Variants in LONP2 observed in about 807,000 individuals in gnomAD.
LONP2 encodes the protein lon protease homolog 2, peroxisomal.
Under a neutral mutation model 85.6 loss-of-function variants are expected in LONP2, and 60 were observed. The observed-to-expected ratio is 0.70, with a 90% CI of 0.57 to 0.87. LONP2 has a LOEUF of 0.87. Among genes scored for constraint, LONP2 ranks in the 40% least tolerant of loss-of-function variants. LONP2 has a pLI of 0.00. For missense variants in LONP2, 860 were observed against 1,063.5 expected (o/e 0.81, Z 2.66); for synonymous variants, 395 against 389.7 (o/e 1.01, Z -0.16).
rs1597011093 is a variant in LONP2, at chr16:48,355,247, G to C, written c.*3445G>C. ...GTTGAAGCAACCACCAACGTGATAG[G>C]TGAGGCTTTAGGAGGTGATTATGTC... On this transcript the variant is annotated 3_prime_UTR_variant, in exon 15 of 15. Coordinates refer to ENST00000285737, the MANE Select transcript of LONP2 (RefSeq NM_031490.5). 6.6e-6 allele frequency: 1 copy of C among 152,068 alleles called. No individual in the cohort carries two copies. The highest frequency in any genetic ancestry group is 1.5e-5 in the Non-Finnish European group (1 of 68,018). 9.4% of individuals were successfully genotyped at this position (152,068 alleles called of 1,614,324 possible). A position where few individuals can be genotyped will look rare whatever the true frequency, so the allele number is the denominator to read the frequency against.
At position 48,354,873 on chromosome 16, in the gene LONP2, G is replaced by C. The variant is rs1330634159; in HGVS notation, c.*3071G>C. The stretch of plus-strand genomic sequence containing the variant: ...AAGGAACTCCAACTTTTTATTATTT[G>C]CAACAGTTAGCTTTCTTTGTTTCAC... On this transcript the variant is annotated 3_prime_UTR_variant, in exon 15 of 15. Coordinates refer to ENST00000285737, the MANE Select transcript of LONP2 (RefSeq NM_031490.5). 1 of 144,312 alleles carries C rather than the reference G, an allele frequency of 6.9e-6. No homozygotes were observed. The allele number at this position is 144,312 out of a possible 1,614,324, so 8.9% of individuals were successfully genotyped here.
At position 48,277,478 on chromosome 16, in the gene LONP2, A is replaced by T; in HGVS notation, c.1382A>T (p.Glu461Val). The change falls in exon 8 of 15, where the codon GAG becomes GTG. Residue 461 changes from glutamate to valine, a missense_variant and splice_region_variant. This residue lies in a region of LONP2 where 743 missense variants were observed against 917.3 expected (regional missense o/e 0.81). Coordinates refer to ENST00000285737, the MANE Select transcript of LONP2 (RefSeq NM_031490.5). Reference protein sequence around the residue: ...LQGDPAAALLEVLDPEQNHNF... With the variant: ...LQGDPAAALLVVLDPEQNHNF... ...GGTGATCCAGCAGCAGCTCTGCTTGAGGTAAGATTTGGAAAATTCCCTGTC... is the reference window on the plus strand; with the variant it reads ...GGTGATCCAGCAGCAGCTCTGCTTGTGGTAAGATTTGGAAAATTCCCTGTC... 1 of 1,612,880 alleles carries T rather than the reference A, an allele frequency of 6.2e-7. No homozygotes were observed.
chr16:48,293,344 C>T (rs1008276022), intron 8 of LONP2, among the ~76,000 whole-genome samples: 2 of 151,954 alleles, frequency 1.3e-5, no homozygotes, highest in Admixed American at 6.6e-5. Context: ...AGGAGAATGG[C>T]GTGAGCCCGG....
intron 11 of LONP2, among the ~76,000 whole-genome samples, chr16:48,324,110 T>C (rs991664965): frequency 6.6e-5 from 10 of 152,162 alleles, no homozygotes; most frequent in African/African-American, 2.4e-4. Context: ...GATACTTTGC[T>C]TTTCCTTTTC....
chr16:48,300,627 G>T (rs1421120705), intron 10 of LONP2, among the ~76,000 whole-genome samples: 1 of 152,166 alleles, frequency 6.6e-6, no homozygotes. Flanking sequence ...AGTTTGGCCA[G>T]ACTGTCTTTT....
intron 8 of LONP2, among the ~76,000 whole-genome samples, chr16:48,290,141 A>C (rs1972530485): frequency 6.6e-6 from 1 of 152,064 alleles, no homozygotes; most frequent in African/African-American, 2.4e-5. Flanking sequence ...CCAGTTATGA[A>C]TTGTATCTCT....
chr16:48,302,003 G>A (rs1338753052), intron 10 of LONP2, among the ~76,000 whole-genome samples: 1 of 152,188 alleles, frequency 6.6e-6, no homozygotes, highest in South Asian at 2.1e-4. Flanking sequence ...ATTGAACACA[G>A]TGTTTCAGAT....
chr16:48,362,282 T>C (rs1274965914), downstream of LONP2: 1 of 1,614,148 alleles, frequency 6.2e-7, no homozygotes. This position sits in a 1 kb window ranked among gnomAD's most constrained non-coding sequence, Gnocchi z 4.2. Flanking sequence ...GAATGGGCGG[T>C]AACACATAGT....
intron 2 of LONP2, among the ~76,000 whole-genome samples, chr16:48,254,048 A>C (rs1396747108): frequency 6.6e-6 from 1 of 152,178 alleles, no homozygotes; most frequent in African/African-American, 2.4e-5. Context: ...GAACTTCTTC[A>C]ATAGCATCCT....
chr16:48,262,229 A>G (rs918792791), intron 5 of LONP2, among the ~76,000 whole-genome samples: 8 of 152,200 alleles, frequency 5.3e-5, no homozygotes, highest in African/African-American at 1.7e-4. Flanking sequence ...GTTATTAAAT[A>G]TATGATATTA....
intron 8 of LONP2, among the ~76,000 whole-genome samples, chr16:48,294,627 G>T (rs941091129): frequency 6.6e-6 from 1 of 151,908 alleles, no homozygotes; most frequent in African/African-American, 2.4e-5. Context: ...TTAGCCAGGT[G>T]GGGTGGTACG....
rs368792585 is a variant in LONP2 at position 48,268,924 on chromosome 16, A to G, written c.983-1092A>G. On this transcript the variant is annotated intron_variant, in intron 6 of 14. Transcript: ENST00000285737. ...ATAATTAATTAAAAGATATGTATTA[A>G]TTAATTAAAAGATTTCTGTGTATTT... Among the ~76,000 whole-genome samples, 50 of 152,270 alleles carry G rather than the reference A, an allele frequency of 3.3e-4. 1 individual carries two copies. In the East Asian group the frequency reaches 8.7e-3, roughly 26 times the overall value.
At chr16:48,270,379 T>A (rs1455010464) in intron 7 of LONP2, 105 bp downstream of exon 7, 2 of 1,199,134 alleles carry the variant, frequency 1.7e-6, no homozygotes, top group Non-Finnish European at 2.4e-6. Context: ...CTTAAAGGGC[T>A]ATGTGTGGTA....
At chr16:48,276,830 T>G (rs1055644055) in intron 7 of LONP2, among the ~76,000 whole-genome samples, 1 of 151,978 alleles carries the variant, frequency 6.6e-6, no homozygotes, top group Non-Finnish European at 1.5e-5. Context: ...GGAGTTTTTC[T>G]TTTTTGTTGT....
At chr16:48,304,657 T>C (rs899082986) in intron 11 of LONP2, among the ~76,000 whole-genome samples, 2 of 152,128 alleles carry the variant, frequency 1.3e-5, no homozygotes, top group Non-Finnish European at 2.9e-5. Context: ...TGAGCAAAGG[T>C]CATGCCCACT....
chr16:48,308,141 C>G (rs937038789), intron 11 of LONP2, among the ~76,000 whole-genome samples: 1 of 152,118 alleles, frequency 6.6e-6, no homozygotes, highest in African/African-American at 2.4e-5. Context: ...TAAAAATAGA[C>G]ACATAGATCA....
At chr16:48,320,470 T>C (rs756087216) in intron 11 of LONP2, among the ~76,000 whole-genome samples, 3 of 152,024 alleles carry the variant, frequency 2.0e-5, no homozygotes, top group Non-Finnish European at 2.9e-5. Flanking sequence ...GGTACTAAGC[T>C]TCAGGGGTTT....
intron 2 of LONP2, among the ~76,000 whole-genome samples, chr16:48,256,308 T>G (rs947085988): frequency 6.6e-6 from 1 of 152,192 alleles, no homozygotes; most frequent in Non-Finnish European, 1.5e-5. Flanking sequence ...TCTTGCAACT[T>G]TTTTGTACAT....
rs1230629907 is a variant in LONP2 at position 48,352,005 on chromosome 16, C to A, written c.*203C>A. The A allele has an allele frequency of 1.2e-5, 7 of 584,614 alleles. No individual in the cohort carries two copies. Among genetic ancestry groups the A allele is most frequent in the African/African-American group, 3.7e-5 (2 of 53,562 alleles). 36.2% of individuals were successfully genotyped at this position (584,614 alleles called of 1,614,324 possible). A position where few individuals can be genotyped will look rare whatever the true frequency, so the allele number is the denominator to read the frequency against. ...TTAGTAAACTGATAAAAATCGAATT[C>A]TTGTCTTTTTAGTGGGATCCTTACT... is the stretch of plus-strand genomic sequence containing the variant. On this transcript the variant is annotated 3_prime_UTR_variant, in exon 15 of 15. Coordinates refer to ENST00000285737, the MANE Select transcript of LONP2 (RefSeq NM_031490.5).
Sources: gnomAD v4.1 joint callset for allele counts (sites outside exome capture counted in the v4.1 genomes callset) on GRCh38, gnomAD v4.1.1 for gene constraint, gnomAD v4.1.1 regional missense constraint, Gnocchi (gnomAD v3.1) non-coding constraint, MANE v1.5 for transcripts, NCBI Gene and HGNC (gene_info 2026-07-23, HGNC 2026-07-21) for gene names.